Variants in ETV6 observed in about 807,000 individuals in gnomAD.
ETV6 encodes transcription factor ETV6.
In ETV6, 16 loss-of-function variants were observed where a neutral mutation model predicts 51.1. The ratio of observed to expected loss-of-function variants is 0.31; its 90% CI spans 0.21 to 0.48. The LOEUF (loss-of-function observed/expected upper bound fraction) is 0.48, where lower values mean the gene tolerates loss of function less well. Among genes scored for constraint, ETV6 ranks in the 20% least tolerant of loss-of-function variants. The pLI is 0.99. For missense variants in ETV6, 458 were observed against 594.8 expected (o/e 0.77, Z 2.39); for synonymous variants, 240 against 224.1 (o/e 1.07, Z -0.64).
chr12:11,815,061 T>C (rs904120823), intron 2 of ETV6, among the ~76,000 whole-genome samples: 1 of 152,198 alleles, frequency 6.6e-6, no homozygotes, highest in Admixed American at 6.5e-5. Flanking sequence ...CTGTGGTTCA[T>C]CAGTTCACAT....
At position 11,747,727 on chromosome 12, in the gene ETV6, G is replaced by T. The variant is rs550990840; in HGVS notation, c.34-4723G>T. On this transcript the variant is annotated intron_variant, in intron 1 of 7. Transcript: ENST00000396373. ...AGAGTGTATTACTTTAGGTTCTTGT[G>T]TATATCTGTGCTTTCCTGGTGGCAG... Among the ~76,000 whole-genome samples the T allele has an allele frequency of 2.0e-5, 3 of 152,118 alleles. No homozygotes were observed. The South Asian group carries it at 6.2e-4, about 32-fold the overall frequency.
intron 2 of ETV6, among the ~76,000 whole-genome samples, chr12:11,814,977 T>G (rs1945969888): frequency 6.6e-6 from 1 of 152,096 alleles, no homozygotes; most frequent in Admixed American, 6.5e-5. Flanking sequence ...AACCCAGAGC[T>G]CAGTCCCAGC....
intron 1 of ETV6, chr12:11,750,810 T>C: frequency 2.2e-6 from 1 of 449,160 alleles, no homozygotes; most frequent in Admixed American, 2.7e-5. Context: ...TTTTTTTTTT[T>C]TTTTTTTGCT....
In ETV6 at chr12:11,749,349, A is replaced by ACC. The variant is rs1245311413; in HGVS notation, c.34-3098_34-3097dup. 5.7e-5 allele frequency among the ~76,000 whole-genome samples: 7 copies of ACC among 123,668 alleles called. No individual in the cohort carries two copies. The East Asian group carries it at 1.4e-3, about 25-fold the overall frequency. The allele number at this position is 123,668 out of a possible 152,430, so 81.1% of individuals were successfully genotyped here. A position where few individuals can be genotyped will look rare whatever the true frequency, so the allele number is the denominator to read the frequency against. The stretch of plus-strand genomic sequence containing the variant: ...CACACACACACACACACACACACAC[A>ACC]CCCCTACTCCCCATAATGTTAAAAG... On this transcript the variant is annotated intron_variant, in intron 1 of 7. Transcript: ENST00000396373.
At chr12:11,747,075 T>C (rs1176373972) in intron 1 of ETV6, among the ~76,000 whole-genome samples, 2 of 152,144 alleles carry the variant, frequency 1.3e-5, no homozygotes, top group African/African-American at 4.8e-5. Flanking sequence ...CACAGCAACA[T>C]TGAGTTTGGT....
At chr12:11,889,105 A>G (rs780521232) in intron 7 of ETV6, among the ~76,000 whole-genome samples, 6 of 152,112 alleles carry the variant, frequency 3.9e-5, no homozygotes, top group Non-Finnish European at 8.8e-5. Flanking sequence ...TCAAAAGAAG[A>G]AAGGGGTGGT....
In ETV6 at chr12:11,722,370, T is replaced by C. The variant is rs16907170; in HGVS notation, c.34-30080T>C. ...AGATAATCCACAAACTGTAATCGCT[T>C]TGAATAATTGAGTTAACTCCAGTAA... On this transcript the variant is annotated intron_variant, in intron 1 of 7. Coordinates refer to ENST00000396373, the MANE Select transcript of ETV6 (RefSeq NM_001987.5). Among the ~76,000 whole-genome samples, 738 of 152,334 alleles carry C rather than the reference T, an allele frequency of 4.8e-3. 7 individuals are homozygous for C. Among genetic ancestry groups the C allele is most frequent in the African/African-American group, 0.017 (700 of 41,572 alleles).
intron 2 of ETV6, among the ~76,000 whole-genome samples, chr12:11,807,356 CTGGTAGAGAAAAT>C (rs1391879527): frequency 1.3e-5 from 2 of 152,104 alleles, no homozygotes; most frequent in African/African-American, 2.4e-5. Flanking sequence ...GAAATGTGTA[CTGGTAGAGAAAAT>C]TGGTAGAGTG....
In ETV6 at chr12:11,650,972, G is replaced by A. The variant is rs1428756731; in HGVS notation, c.33+812G>A. On this transcript the variant is annotated intron_variant, in intron 1 of 7. Transcript: ENST00000396373. ...TAGATGTTTGTAAACACACTGCTGGGCTACCCAGTAGTTGTGTGTATGCAT... is the reference window on the plus strand; with the variant it reads ...TAGATGTTTGTAAACACACTGCTGGACTACCCAGTAGTTGTGTGTATGCAT... Among the ~76,000 whole-genome samples, 7 of 152,328 alleles carry A rather than the reference G, an allele frequency of 4.6e-5. No homozygotes were observed. The East Asian group carries it at 5.8e-4, about 13-fold the overall frequency.
chr12:11,667,937 C>T lies in ETV6; in HGVS notation c.33+17777C>T, dbSNP rs183182382. ...GGCTGGTCTTGAACTCCTGACCTCGCGATCCACCCGCTTCGGCCTCCCAAA... is the reference window on the plus strand; with the variant it reads ...GGCTGGTCTTGAACTCCTGACCTCGTGATCCACCCGCTTCGGCCTCCCAAA... On this transcript the variant is annotated intron_variant, in intron 1 of 7. Transcript: ENST00000396373. Among the ~76,000 whole-genome samples, 1,168 of 151,778 alleles carry T rather than the reference C, an allele frequency of 7.7e-3. 10 individuals carry two copies. Among genetic ancestry groups the T allele is most frequent in the Middle Eastern group, 0.027 (8 of 292 alleles).
In ETV6 at chr12:11,720,023, G is replaced by A. The variant is rs80076438; in HGVS notation, c.34-32427G>A. Among the ~76,000 whole-genome samples, 10 of 152,300 alleles carry A rather than the reference G, an allele frequency of 6.6e-5. No homozygotes were observed. The East Asian group carries it at 1.9e-3, about 29-fold the overall frequency. On this transcript the variant is annotated intron_variant, in intron 1 of 7. Coordinates refer to ENST00000396373, the MANE Select transcript of ETV6 (RefSeq NM_001987.5). The stretch of plus-strand genomic sequence containing the variant: ...GGCTCCCACCATGCAGGAAATGCCT[G>A]GTCTCCCACGAATCAGAAGCTATAA...
At chr12:11,713,080 T>TGAATTTAAACTGGAAAGA (rs2120890313) in intron 1 of ETV6, among the ~76,000 whole-genome samples, 1 of 152,228 alleles carries the variant, frequency 6.6e-6, no homozygotes, top group Non-Finnish European at 1.5e-5. Context: ...AGGTGGGTGA[T>TGAATTTAAACTGGAAAGA]GAATTTAAAC....
At chr12:11,660,236 A>G (rs1277000555) in intron 1 of ETV6, among the ~76,000 whole-genome samples, 1 of 152,234 alleles carries the variant, frequency 6.6e-6, no homozygotes, top group Admixed American at 6.5e-5. Flanking sequence ...TATGGTCTCA[A>G]GCCTAGTGAC....
chr12:11,662,172 A>G (rs564206745), intron 1 of ETV6, among the ~76,000 whole-genome samples: 19 of 152,358 alleles, frequency 1.2e-4, no homozygotes, highest in Admixed American at 1.0e-3. Context: ...TGACATAGAC[A>G]GCAAGTATAT....
intron 2 of ETV6, among the ~76,000 whole-genome samples, chr12:11,821,075 A>C (rs554927105): frequency 1.3e-5 from 2 of 152,220 alleles, no homozygotes; most frequent in Non-Finnish European, 2.9e-5. Context: ...AAAAGAAGAA[A>C]CAAGGGGCTG....
rs1434250926 is a variant in ETV6 at position 11,891,068 on chromosome 12, G to T, written c.*22G>T. Reference sequence around the variant, plus strand: ...CTGAAGGAACCAACAGTCCACCTCAGCGGGCCAGCAGCCCAGGGAACCCCT... The same window carrying T: ...CTGAAGGAACCAACAGTCCACCTCATCGGGCCAGCAGCCCAGGGAACCCCT... On this transcript the variant is annotated 3_prime_UTR_variant, in exon 8 of 8. Transcript: ENST00000396373. 1 of 1,589,766 alleles carries T rather than the reference G, an allele frequency of 6.3e-7. No individual in the cohort carries two copies. The highest frequency in any genetic ancestry group is 8.6e-7 in the Non-Finnish European group (1 of 1,158,628).
chr12:11,838,335 C>T (rs191588808), intron 2 of ETV6, among the ~76,000 whole-genome samples: 140 of 152,318 alleles, frequency 9.2e-4, no homozygotes, highest in African/African-American at 3.1e-3. Context: ...AGATTTCTCA[C>T]AACAGCAAAA....
At chr12:11,704,407 C>T (rs978506881) in intron 1 of ETV6, among the ~76,000 whole-genome samples, 93 of 152,216 alleles carry the variant, frequency 6.1e-4, no homozygotes, top group African/African-American at 1.8e-3. Flanking sequence ...AATACAGTGG[C>T]GTGATCTCAG....
At chr12:11,676,238 C>G (rs530450921) in intron 1 of ETV6, among the ~76,000 whole-genome samples, 9 of 152,304 alleles carry the variant, frequency 5.9e-5, no homozygotes, top group African/African-American at 2.2e-4. Flanking sequence ...AGTCTACTCT[C>G]AGCTTGGAAA....
Sources: gnomAD v4.1 joint callset for allele counts (sites outside exome capture counted in the v4.1 genomes callset) on GRCh38, gnomAD v4.1.1 for gene constraint, MANE v1.5 for transcripts, NCBI Gene and HGNC (gene_info 2026-07-23, HGNC 2026-07-21) for gene names.